ADGRL3: variants seen among roughly 807,000 people sequenced by gnomAD.
ADGRL3 encodes adhesion G protein-coupled receptor L3, also known as calcium-independent alpha-latrotoxin receptor 3.
ADGRL3 carries 62 observed loss-of-function variants against 153.5 expected under a neutral mutation model. The observed-to-expected ratio is 0.40, with a 90% CI of 0.33 to 0.50. ADGRL3 has a LOEUF of 0.50. Ranked by LOEUF, ADGRL3 falls within the 20% of genes least tolerant of loss-of-function variation. The pLI is 0.47. For synonymous variants in ADGRL3, 710 were observed against 672.5 expected, an observed-to-expected ratio of 1.06 and a Z score of -0.86; for missense variants, 1,641 against 1,859.4, an observed-to-expected ratio of 0.88 and a Z score of 2.16.
At chr4:61,553,750 T>A (rs1210356968) in intron 4 of ADGRL3, among the ~76,000 whole-genome samples, 1 of 152,188 alleles carries the variant, frequency 6.6e-6, no homozygotes, top group Non-Finnish European at 1.5e-5. Flanking sequence ...GTTTGGTTAA[T>A]CAGTGGCTAG....
At chr4:61,757,201 G>T (rs1034171791) in intron 8 of ADGRL3, among the ~76,000 whole-genome samples, 1 of 152,154 alleles carries the variant, frequency 6.6e-6, no homozygotes, top group Non-Finnish European at 1.5e-5. Flanking sequence ...CATGGTACCA[G>T]CTCCTCCTTG....
At chr4:61,304,624 G>C (rs1050677233) in intron 1 of ADGRL3, among the ~76,000 whole-genome samples, 1 of 151,910 alleles carries the variant, frequency 6.6e-6, no homozygotes, top group Non-Finnish European at 1.5e-5. Flanking sequence ...AAATTGATTG[G>C]GTGAGTATGT....
At chr4:61,936,990 G>C (rs1424926301) in intron 15 of ADGRL3, among the ~76,000 whole-genome samples, 1 of 151,964 alleles carries the variant, frequency 6.6e-6, no homozygotes, top group Non-Finnish European at 1.5e-5. Context: ...TGAATAAAAT[G>C]GTCTGTAAAT....
chr4:61,695,002 C>T (rs2095614422), intron 6 of ADGRL3, among the ~76,000 whole-genome samples: 1 of 152,172 alleles, frequency 6.6e-6, no homozygotes, highest in Admixed American at 6.6e-5. Context: ...TCAGGCTCCA[C>T]TTCTAGTTCT....
chr4:61,595,180 G>A (rs1462233836), intron 5 of ADGRL3, among the ~76,000 whole-genome samples: 5 of 151,704 alleles, frequency 3.3e-5, no homozygotes, highest in Admixed American at 6.6e-5. Flanking sequence ...TGAGCTGATA[G>A]CTGGGGTGCA....
chr4:61,660,505 A>C (rs1373448072), intron 5 of ADGRL3, among the ~76,000 whole-genome samples: 2 of 152,098 alleles, frequency 1.3e-5, no homozygotes, highest in Non-Finnish European at 2.9e-5. Context: ...ATTTATTTGC[A>C]AGGAGATCTC....
intron 21 of ADGRL3, among the ~76,000 whole-genome samples, chr4:62,028,455 G>A (rs773958553): frequency 1.6e-4 from 24 of 151,574 alleles, no homozygotes; most frequent in Admixed American, 1.5e-3. Context: ...CTAATATTAC[G>A]GAATAAGAAT....
chr4:61,655,068 T>TA (rs1464176564), intron 5 of ADGRL3, among the ~76,000 whole-genome samples: 8 of 152,158 alleles, frequency 5.3e-5, no homozygotes, highest in Non-Finnish European at 1.0e-4. Context: ...TGACTCTTAC[T>TA]ATCAGCTGTA....
At chr4:61,831,773 T>A (rs1479645172) in intron 9 of ADGRL3, among the ~76,000 whole-genome samples, 2 of 152,148 alleles carry the variant, frequency 1.3e-5, no homozygotes, top group African/African-American at 4.8e-5. Context: ...TAAGGTGACC[T>A]AGCATGGCTC....
chr4:62,039,554 A>G (rs1727012144), intron 24 of ADGRL3, among the ~76,000 whole-genome samples: 1 of 152,158 alleles, frequency 6.6e-6, no homozygotes, highest in East Asian at 1.9e-4. Flanking sequence ...TTTACACACC[A>G]CACTGAGGTT....
chr4:62,043,628 T>C (rs974496385), intron 24 of ADGRL3, among the ~76,000 whole-genome samples: 4 of 152,128 alleles, frequency 2.6e-5, no homozygotes, highest in African/African-American at 9.6e-5. Flanking sequence ...CTTATAACTA[T>C]TTCAGCCTTG....
intron 1 of ADGRL3, among the ~76,000 whole-genome samples, chr4:61,290,484 T>C (rs949369021): frequency 1.3e-5 from 2 of 151,954 alleles, no homozygotes; most frequent in African/African-American, 4.8e-5. Flanking sequence ...AAGGATAACA[T>C]TTAAATTATT....
At chr4:61,485,988 G>A (rs952353678) in intron 2 of ADGRL3, among the ~76,000 whole-genome samples, 4 of 151,472 alleles carry the variant, frequency 2.6e-5, no homozygotes, top group Admixed American at 6.6e-5. Context: ...CTGTCGCCCC[G>A]GCTGGAGTGC....
intron 9 of ADGRL3, among the ~76,000 whole-genome samples, chr4:61,888,299 A>G (rs2098550922): frequency 6.6e-6 from 1 of 152,272 alleles, no homozygotes; most frequent in Non-Finnish European, 1.5e-5. Context: ...CAAAGCACTT[A>G]TAACACATAG....
At chr4:61,298,866 A>T (rs1236432467) in intron 1 of ADGRL3, among the ~76,000 whole-genome samples, 2 of 152,162 alleles carry the variant, frequency 1.3e-5, no homozygotes, top group African/African-American at 2.4e-5. Context: ...CAAATAAATG[A>T]CTTCAAGTGA....
chr4:61,819,328 G>A (rs1413262066), intron 9 of ADGRL3, among the ~76,000 whole-genome samples: 1 of 151,914 alleles, frequency 6.6e-6, no homozygotes, highest in African/African-American at 2.4e-5. Context: ...AGATTATATA[G>A]CAATATCCTT....
intron 9 of ADGRL3, among the ~76,000 whole-genome samples, chr4:61,856,956 CTTTCTT>C (rs1554048282): frequency 2.0e-5 from 1 of 49,996 alleles, no homozygotes; most frequent in Non-Finnish European, 3.8e-5. Flanking sequence ...TCTTCTCTTT[CTTTCTT>C]TCTTTCTTTC....
intron 1 of ADGRL3, among the ~76,000 whole-genome samples, chr4:61,241,340 A>G (rs1157396367): frequency 6.6e-6 from 1 of 152,038 alleles, no homozygotes; most frequent in Non-Finnish European, 1.5e-5. Context: ...GTGGTTCAAT[A>G]TAAATTCCAG....
At chr4:61,563,092 T>C (rs2098802207) in intron 4 of ADGRL3, among the ~76,000 whole-genome samples, 1 of 152,134 alleles carries the variant, frequency 6.6e-6, no homozygotes, top group Non-Finnish European at 1.5e-5. Flanking sequence ...TAAAATCTTA[T>C]AAAATGTATT....
Sources: gnomAD v4.1 joint callset for allele counts (sites outside exome capture counted in the v4.1 genomes callset) on GRCh38, gnomAD v4.1.1 for gene constraint, MANE v1.5 for transcripts, NCBI Gene and HGNC (gene_info 2026-07-23, HGNC 2026-07-21) for gene names.